Variants in AP3M2 observed in about 807,000 individuals in gnomAD.
AP3M2 encodes the protein AP-3 complex subunit mu-2.
A neutral mutation model predicts 41.6 loss-of-function variants in AP3M2; 28 were observed. The ratio of observed to expected loss-of-function variants is 0.67; its 90% confidence interval spans 0.50 to 0.92. The LOEUF (loss-of-function observed/expected upper bound fraction) is 0.92. Ranked by LOEUF, AP3M2 falls within the 40% of genes least tolerant of loss-of-function variation. AP3M2 has a pLI of 0.00. For missense variants in AP3M2, 427 were observed against 521.4 expected (o/e 0.82, Z 1.76); for synonymous variants, 193 against 186.4 (o/e 1.04, Z -0.29).
At chr8:42,159,909 G>A (rs757635501) in intron 3 of AP3M2, among the ~76,000 whole-genome samples, 15 of 152,114 alleles carry the variant, frequency 9.9e-5, no homozygotes, top group Non-Finnish European at 1.8e-4. Context: ...CAAATATCAC[G>A]ACACGTTAAG....
intron 1 of AP3M2, chr8:42,153,386 GC>G (rs1587910161): frequency 1.3e-5 from 2 of 152,190 alleles, no homozygotes; most frequent in Admixed American, 1.3e-4. Flanking sequence ...CTTCAGCCAG[GC>G]CCCTGCCCGC....
chr8:42,153,648 C>T (rs1355072440), intron 1 of AP3M2: 1 of 151,976 alleles, frequency 6.6e-6, no homozygotes, highest in African/African-American at 2.4e-5. Flanking sequence ...GGTGTCTGTC[C>T]CCCAGGGAAA....
At position 42,165,023 on chromosome 8, in the gene AP3M2, G is replaced by A. The variant is rs773147874; in HGVS notation, c.584-48G>A. ...GGAGATAAGTTTGTTGAGAAGGACA[G>A]AGAAGTATTCAGTAATCTGTGTTCT... On this transcript the variant is annotated intron_variant, in intron 4 of 8. Transcript: ENST00000396926. 3 of 1,541,184 alleles carry A rather than the reference G, an allele frequency of 1.9e-6. No homozygotes were observed. The Admixed American group carries it at 5.2e-5, about 27-fold the overall frequency.
intron 8 of AP3M2, among the ~76,000 whole-genome samples, chr8:42,168,401 C>G (rs1804699069): frequency 6.6e-6 from 1 of 152,090 alleles, no homozygotes; most frequent in Admixed American, 6.6e-5. Context: ...AAGGAGATGA[C>G]TTTAGCTTTA....
At chr8:42,156,455 C>T (rs1232602104) in intron 2 of AP3M2, among the ~76,000 whole-genome samples, 4 of 152,200 alleles carry the variant, frequency 2.6e-5, no homozygotes, top group Admixed American at 2.6e-4. Context: ...AATAGAATTG[C>T]AGGCTCACAG....
At chr8:42,154,487 T>A in intron 1 of AP3M2, 129 bp from the exon 2 acceptor site, 1 of 639,886 alleles carries the variant, frequency 1.6e-6, no homozygotes, top group Non-Finnish European at 2.6e-6. Flanking sequence ...GGGAGGGCTA[T>A]CTTCAGGCTC....
intron 4 of AP3M2, among the ~76,000 whole-genome samples, chr8:42,163,287 A>C (rs2150959452): frequency 6.6e-6 from 1 of 152,368 alleles, no homozygotes; most frequent in Middle Eastern, 3.4e-3. Context: ...ACATAGTGAG[A>C]TCCTGTCTTT....
In AP3M2 at chr8:42,158,132, TGATA is replaced by T. The variant is rs1804407806; in HGVS notation, c.445+26_445+29del. On this transcript the variant is annotated intron_variant, in intron 3 of 8. Coordinates refer to ENST00000396926, the MANE Select transcript of AP3M2 (RefSeq NM_006803.4). ...TCACAGGTACGGCAGAGGGGGAAAC[TGATA>T]GATAGTGGCCATCCTACAGCCTGAG... 1 of 1,605,022 alleles carries T rather than the reference TGATA, an allele frequency of 6.2e-7. No individual in the cohort carries two copies. Among genetic ancestry groups the T allele is most frequent in the Admixed American group, 1.7e-5 (1 of 59,854 alleles).
At position 42,167,266 on chromosome 8, in the gene AP3M2, G is replaced by A. The variant is rs748831005; in HGVS notation, c.906G>A (p.Gly302=). Residue 302 remains glycine, a synonymous_variant, in exon 7 of 9, where the codon GGG becomes GGA. Coordinates refer to ENST00000396926, the MANE Select transcript of AP3M2 (RefSeq NM_006803.4). ...EITVGPKQTM[G]KTIEGVTVTS... is the part of the protein sequence containing the mutation. ...CGGTGGGACCCAAGCAGACGATGGG[G>A]AAGACCATTGAGGGAGTGACTGTCA... The A allele has an allele frequency of 1.9e-6, 3 of 1,614,048 alleles. No homozygotes were observed. The highest frequency in any genetic ancestry group is 1.7e-5 in the Admixed American group (1 of 60,002).
chr8:42,156,660 T>C (rs1436770651), intron 2 of AP3M2, among the ~76,000 whole-genome samples: 1 of 152,224 alleles, frequency 6.6e-6, no homozygotes, highest in Non-Finnish European at 1.5e-5. Context: ...GAAATCTTTT[T>C]GTTTTAGGAA....
intron 2 of AP3M2, among the ~76,000 whole-genome samples, 176 bp downstream of exon 2, chr8:42,155,136 G>A (rs1047786060): frequency 6.6e-5 from 10 of 152,090 alleles, no homozygotes; most frequent in Non-Finnish European, 1.2e-4. Flanking sequence ...TTGGCTGCAT[G>A]CAAAATGACA....
chr8:42,162,207 A>T (rs1804524090), intron 3 of AP3M2, 74 bp from the exon 4 acceptor site: 1 of 1,429,886 alleles, frequency 7.0e-7, no homozygotes, highest in Non-Finnish European at 9.4e-7. Flanking sequence ...GGGAGCATAG[A>T]AACTTCTAGG....
intron 8 of AP3M2, chr8:42,168,362 TTTAA>T: frequency 5.9e-6 from 2 of 337,476 alleles, no homozygotes; most frequent in Middle Eastern, 7.7e-4. Context: ...TGTTTTCTTT[TTTAA>T]TCCTTAGAAA....
chr8:42,158,839 G>C (rs1804429514), intron 3 of AP3M2, among the ~76,000 whole-genome samples: 1 of 151,376 alleles, frequency 6.6e-6, no homozygotes, highest in Admixed American at 6.6e-5. Flanking sequence ...TGTTGCCCAG[G>C]ATGGAGTGCA....
rs375809749 is a variant in AP3M2 at position 42,167,913 on chromosome 8, T to C, written c.1156+103T>C. 5 of 1,344,038 alleles carry C rather than the reference T, an allele frequency of 3.7e-6. No individual in the cohort carries two copies. The South Asian group carries it at 4.3e-5, about 12-fold the overall frequency. 83.3% of individuals were successfully genotyped at this position (1,344,038 alleles called of 1,614,324 possible). On this transcript the variant is annotated intron_variant, in intron 8 of 8. Transcript: ENST00000396926. ...CTTTCTGGGCTTCCTGTTTACAAGGTTTAGTTTCATTACCTGATAAACAAT... is the reference window on the plus strand; with the variant it reads ...CTTTCTGGGCTTCCTGTTTACAAGGCTTAGTTTCATTACCTGATAAACAAT...
intron 8 of AP3M2, among the ~76,000 whole-genome samples, 169 bp downstream of exon 8, chr8:42,167,979 T>A (rs192969526): frequency 6.6e-6 from 1 of 152,364 alleles, no homozygotes; most frequent in East Asian, 1.9e-4. Flanking sequence ...GGGGAAAATT[T>A]ACAATCCTTC....
In AP3M2 at chr8:42,168,052, A is replaced by G. The variant is rs1374069863; in HGVS notation, c.1156+242A>G. 5.1e-6 allele frequency: 3 copies of G among 593,808 alleles called. No homozygotes were observed. The Admixed American group carries it at 7.8e-5, about 15-fold the overall frequency. The allele number at this position is 593,808 out of a possible 1,614,324, so 36.8% of individuals were successfully genotyped here. A position where few individuals can be genotyped will look rare whatever the true frequency, so the allele number is the denominator to read the frequency against. ...TAAGACACACTGAGAAAGAAACAGTATTGGTAGAAGGAAGTATTCACTAGC... is the reference window on the plus strand; with the variant it reads ...TAAGACACACTGAGAAAGAAACAGTGTTGGTAGAAGGAAGTATTCACTAGC... On this transcript the variant is annotated intron_variant, in intron 8 of 8. Coordinates refer to ENST00000396926, the MANE Select transcript of AP3M2 (RefSeq NM_006803.4).
At position 42,158,093 on chromosome 8, in the gene AP3M2, G is replaced by A. The variant is rs147291839; in HGVS notation, c.426G>A (p.Thr142=). 6.4e-5 allele frequency: 103 copies of A among 1,613,438 alleles called. No homozygotes were observed. Among genetic ancestry groups the A allele is most frequent in the Non-Finnish European group, 8.2e-5 (97 of 1,179,602 alleles). Residue 142 remains threonine, a synonymous_variant, in exon 3 of 9, where the codon ACG becomes ACA. Transcript: ENST00000396926. ...TAAAGCCTCCTACCATCCTTCGAAC[G>A]GTTGTCAACACCATCACAGGTACGG... ...ELIKPPTILR[T]VVNTITGSTN...
chr8:42,157,578 CTTTG>C (rs755965997), intron 2 of AP3M2, among the ~76,000 whole-genome samples: 27 of 152,088 alleles, frequency 1.8e-4, no homozygotes, highest in Admixed American at 3.9e-4. Context: ...ATGTACTGTT[CTTTG>C]TTATATCAAG....
Sources: allele counts gnomAD v4.1 joint callset (sites outside exome capture counted in the v4.1 genomes callset), GRCh38; gene constraint gnomAD v4.1.1; transcripts MANE v1.5; gene names NCBI Gene and HGNC (gene_info 2026-07-23, HGNC 2026-07-21).